The following TOMM34 variants were observed in gnomAD, a reference collection of about 807,000 sequenced individuals.
TOMM34 encodes mitochondrial import receptor subunit TOM34.
TOMM34 carries 24 observed loss-of-function variants against 37.4 expected under a neutral mutation model. That is an observed-to-expected ratio of 0.64 (90% CI 0.46 to 0.90). The LOEUF is 0.90. Among genes scored for constraint, TOMM34 ranks in the 40% least tolerant of loss-of-function variants. The pLI is 0.00. For synonymous variants in TOMM34, 154 were observed against 148.9 expected, an observed-to-expected ratio of 1.03 and a Z score of -0.25; for missense variants, 304 against 375.6, an observed-to-expected ratio of 0.81 and a Z score of 1.58.
chr20:44,960,255 C>A lies in TOMM34; in HGVS notation c.79G>T (p.Glu27Ter). Residue 27 changes from glutamate (E) to a stop codon, truncating the protein, a stop_gained, in exon 1 of 7, where the codon GAG becomes TAG. Coordinates refer to ENST00000372813, the MANE Select transcript of TOMM34 (RefSeq NM_006809.5). LOFTEE classifies it high-confidence loss of function. The part of the protein sequence containing the change: ...NESFRNGQYA[E>*]ASALYGRALR... ...GCGCGGCCGTAGAGCGCGGAGGCCT[C>A]GGCGTACTGGCCGTTGCGGAAACTC... 6.4e-7 allele frequency: 1 copy of A among 1,570,732 alleles called. No homozygotes were observed.
intron 1 of TOMM34, chr20:44,959,982 G>A: frequency 1.0e-6 from 1 of 985,406 alleles, no homozygotes; most frequent in Non-Finnish European, 1.2e-6. Context: ...TTTCTTCTCA[G>A]GGCTCAGAAC....
chr20:44,951,789 A>T (rs1273959223), intron 4 of TOMM34, 44 bp downstream of exon 4: 1 of 1,578,326 alleles, frequency 6.3e-7, no homozygotes, highest in Non-Finnish European at 8.6e-7. Flanking sequence ...AAGAAAATGG[A>T]TAGTGGGAGA....
At chr20:44,958,387 G>A in intron 1 of TOMM34, 1 of 471,558 alleles carries the variant, frequency 2.1e-6, no homozygotes. Flanking sequence ...TTGCCCTTAA[G>A]GAGCTAAGTA....
intron 1 of TOMM34, among the ~76,000 whole-genome samples, chr20:44,959,728 T>C (rs2067108826): frequency 6.6e-6 from 1 of 152,124 alleles, no homozygotes; most frequent in Non-Finnish European, 1.5e-5. Flanking sequence ...ATGTTGCCCT[T>C]GATCTCCCAC....
At chr20:44,946,765 A>G (rs531748687) in intron 5 of TOMM34, among the ~76,000 whole-genome samples, 1 of 152,352 alleles carries the variant, frequency 6.6e-6, no homozygotes, top group South Asian at 2.1e-4. Context: ...AGGACATGAT[A>G]AAATGTTAGC....
chr20:44,959,221 C>T (rs1381877712), intron 1 of TOMM34, among the ~76,000 whole-genome samples: 1 of 152,024 alleles, frequency 6.6e-6, no homozygotes, highest in Non-Finnish European at 1.5e-5. Flanking sequence ...AAAAGGAAGG[C>T]GGCAAAGGGA....
chr20:44,947,802 A>G (rs564919645), intron 5 of TOMM34, among the ~76,000 whole-genome samples: 27 of 152,200 alleles, frequency 1.8e-4, no homozygotes, highest in Non-Finnish European at 3.5e-4. Context: ...CCGTGGCTGG[A>G]AAACACATTT....
At chr20:44,956,643 G>C (rs1201549576) in intron 1 of TOMM34, among the ~76,000 whole-genome samples, 158 bp from the exon 2 acceptor site, 1 of 152,156 alleles carries the variant, frequency 6.6e-6, no homozygotes, top group African/African-American at 2.4e-5. Context: ...TGGCGTGTTT[G>C]TCATTCTTAT....
At position 44,955,062 on chromosome 20, in the gene TOMM34, G is replaced by T; in HGVS notation, c.380+6C>A. 1 of 1,613,954 alleles carries T rather than the reference G, an allele frequency of 6.2e-7. No individual in the cohort carries two copies. The highest frequency in any genetic ancestry group is 8.5e-7 in the Non-Finnish European group (1 of 1,179,920). On this transcript the variant is annotated splice_donor_region_variant and intron_variant, in intron 3 of 6. Coordinates refer to ENST00000372813, the MANE Select transcript of TOMM34 (RefSeq NM_006809.5). Reference sequence around the variant, plus strand: ...GTGGAGACCACCTGCTGGGAATGGAGCTCACCTGTTGATGCCTTCTACGGC... The same window carrying T: ...GTGGAGACCACCTGCTGGGAATGGATCTCACCTGTTGATGCCTTCTACGGC...
chr20:44,960,235 G>A lies in TOMM34; in HGVS notation c.99C>T (p.Gly33=). The A allele has an allele frequency of 1.3e-6, 2 of 1,564,386 alleles. No individual in the cohort carries two copies. Among genetic ancestry groups the A allele is most frequent in the Non-Finnish European group, 1.7e-6 (2 of 1,155,446 alleles). ...GCGCCTGCAGCACCCGCAGCGCGCGGCCGTAGAGCGCGGAGGCCTCGGCGT... is the reference window on the plus strand; with the variant it reads ...GCGCCTGCAGCACCCGCAGCGCGCGACCGTAGAGCGCGGAGGCCTCGGCGT... The part of the protein sequence containing the change: ...GQYAEASALY[G]RALRVLQAQG... Residue 33 remains glycine, a synonymous_variant, in exon 1 of 7, where the codon GGC becomes GGT. Coordinates refer to ENST00000372813, the MANE Select transcript of TOMM34 (RefSeq NM_006809.5).
At chr20:44,946,051 G>A (rs1284866868) in intron 5 of TOMM34, among the ~76,000 whole-genome samples, 2 of 152,098 alleles carry the variant, frequency 1.3e-5, no homozygotes, top group African/African-American at 4.8e-5. Context: ...TAGAGATGGG[G>A]TTTCACCATG....
chr20:44,954,713 A>G (rs1258376376), intron 3 of TOMM34, among the ~76,000 whole-genome samples: 1 of 152,166 alleles, frequency 6.6e-6, no homozygotes, highest in African/African-American at 2.4e-5. Flanking sequence ...TATTCTTCTA[A>G]TTAGCGTTAG....
chr20:44,958,824 A>C (rs897863557), intron 1 of TOMM34: 1 of 152,510 alleles, frequency 6.6e-6, no homozygotes, highest in Non-Finnish European at 1.5e-5. Flanking sequence ...CTTCTTCAGC[A>C]ACTTCATCAA....
intron 5 of TOMM34, among the ~76,000 whole-genome samples, chr20:44,947,003 GT>G (rs1255367922): frequency 1.3e-5 from 2 of 152,202 alleles, no homozygotes; most frequent in African/African-American, 2.4e-5. Context: ...AATTAAAACA[GT>G]GTGGCACAGA....
At chr20:44,950,509 G>A (rs542089267) in intron 4 of TOMM34, among the ~76,000 whole-genome samples, 2 of 152,324 alleles carry the variant, frequency 1.3e-5, no homozygotes, top group South Asian at 4.1e-4. Flanking sequence ...ACACTGCTTA[G>A]CATACACATG....
intron 1 of TOMM34, chr20:44,959,953 C>A (rs997864581): frequency 2.4e-5 from 24 of 985,228 alleles, no homozygotes; most frequent in Non-Finnish European, 2.8e-5. Context: ...TGAATTGCTG[C>A]GGGGGAGGAG....
intron 4 of TOMM34, among the ~76,000 whole-genome samples, chr20:44,949,476 C>T (rs1327208039): frequency 6.6e-6 from 1 of 152,192 alleles, no homozygotes; most frequent in African/African-American, 2.4e-5. Flanking sequence ...CTAACACATG[C>T]AGCTCTGCTC....
chr20:44,944,205 T>C (rs1289331091), intron 5 of TOMM34, among the ~76,000 whole-genome samples: 2 of 152,216 alleles, frequency 1.3e-5, no homozygotes, highest in African/African-American at 4.8e-5. Flanking sequence ...AACATTTTCA[T>C]AATAAAATGT....
chr20:44,943,885 C>T lies in TOMM34; in HGVS notation c.699-306G>A, dbSNP rs188011064. Among the ~76,000 whole-genome samples, 187 of 152,206 alleles carry T rather than the reference C, an allele frequency of 1.2e-3. 1 individual carries two copies. Among genetic ancestry groups the T allele is most frequent in the African/African-American group, 4.1e-3 (172 of 41,512 alleles). ...CATCTAGTTCTATCATGCTGTACTG[C>T]GCTCTCCTATACTGAGCTCTTTCAA... On this transcript the variant is annotated intron_variant, in intron 5 of 6. Coordinates refer to ENST00000372813, the MANE Select transcript of TOMM34 (RefSeq NM_006809.5).
Sources: gnomAD v4.1 joint callset for allele counts (sites outside exome capture counted in the v4.1 genomes callset) on GRCh38, gnomAD v4.1.1 for gene constraint, MANE v1.5 for transcripts, NCBI Gene and HGNC (gene_info 2026-07-23, HGNC 2026-07-21) for gene names.